Variants in TMEM38B observed in about 807,000 individuals in gnomAD.
The protein encoded by TMEM38B is transmembrane protein 38B.
A neutral mutation model predicts 28.7 loss-of-function variants in TMEM38B; 24 were observed. The ratio of observed to expected loss-of-function variants is 0.84; its 90% CI spans 0.61 to 1.18. The LOEUF is 1.18. Ranked by LOEUF, TMEM38B falls within the 50% of genes most tolerant of loss-of-function variation. The pLI is 0.00. For synonymous variants in TMEM38B, 131 were observed against 127.7 expected, an observed-to-expected ratio of 1.03 and a Z score of -0.17; for missense variants, 380 against 350.9, an observed-to-expected ratio of 1.08 and a Z score of -0.66.
chr9:105,772,526 A>AT (rs1826586817), intron 5 of TMEM38B, among the ~76,000 whole-genome samples: 1 of 152,028 alleles, frequency 6.6e-6, no homozygotes, highest in Non-Finnish European at 1.5e-5. Context: ...GGTTCTGCCT[A>AT]TTTCAGTTGT....
intron 5 of TMEM38B, among the ~76,000 whole-genome samples, chr9:105,773,241 G>T (rs747157075): frequency 6.6e-6 from 1 of 152,140 alleles, no homozygotes; most frequent in Non-Finnish European, 1.5e-5. Flanking sequence ...ACCCCTTGAG[G>T]TCTTGGTTCC....
chr9:105,723,486 G>A (rs1035815883), intron 4 of TMEM38B, among the ~76,000 whole-genome samples: 5 of 151,554 alleles, frequency 3.3e-5, no homozygotes, highest in African/African-American at 1.2e-4. Context: ...TGATCTCTTG[G>A]GCTCAAGTGA....
chr9:105,701,565 A>G (rs1835460595), intron 1 of TMEM38B: 1 of 152,240 alleles, frequency 6.6e-6, no homozygotes, highest in South Asian at 2.1e-4. Flanking sequence ...ACTAGCTGCA[A>G]TTACAGTCAC....
At chr9:105,722,306 C>G (rs1362281997) in intron 3 of TMEM38B, among the ~76,000 whole-genome samples, 2 of 152,154 alleles carry the variant, frequency 1.3e-5, no homozygotes, top group Non-Finnish European at 2.9e-5. Context: ...CTAACCATAT[C>G]TTTGTGCCCG....
intron 3 of TMEM38B, among the ~76,000 whole-genome samples, chr9:105,722,275 T>C (rs1836344663): frequency 6.6e-6 from 1 of 152,204 alleles, no homozygotes; most frequent in Non-Finnish European, 1.5e-5. Context: ...GGATTTTATT[T>C]TTCAGTTCTG....
chr9:105,773,806 T>C, intron 5 of TMEM38B, 59 bp from the exon 6 acceptor site: 2 of 1,513,910 alleles, frequency 1.3e-6, no homozygotes, highest in Non-Finnish European at 1.8e-6. Flanking sequence ...TTTGTTTCTC[T>C]CTCTTGAGAA....
rs775296474 is a variant in TMEM38B at position 105,722,627 on chromosome 9, T to C, written c.542+6T>C. The C allele has an allele frequency of 1.3e-5, 21 of 1,609,062 alleles. No individual in the cohort carries two copies. The highest frequency in any genetic ancestry group is 1.8e-5 in the Non-Finnish European group (21 of 1,175,808). ...GAATGGCTGAAGATGTCATAGTAAG[T>C]TGGTATAAATTATACTGAGACCTAG... On this transcript the variant is annotated splice_donor_region_variant and intron_variant, in intron 4 of 5. Transcript: ENST00000374692.
chr9:105,763,784 A>T (rs941246446), intron 5 of TMEM38B, among the ~76,000 whole-genome samples: 1 of 151,958 alleles, frequency 6.6e-6, no homozygotes, highest in African/African-American at 2.4e-5. Context: ...ACCAAAAAAG[A>T]GAATTTTAGA....
chr9:105,768,209 C>G (rs1826439477), intron 5 of TMEM38B, among the ~76,000 whole-genome samples: 1 of 152,030 alleles, frequency 6.6e-6, no homozygotes, highest in African/African-American at 2.4e-5. Flanking sequence ...CTCTTATATT[C>G]TGTTAATATA....
At chr9:105,726,268 A>G (rs570607911) in intron 4 of TMEM38B, among the ~76,000 whole-genome samples, 1 of 152,268 alleles carries the variant, frequency 6.6e-6, no homozygotes, top group East Asian at 1.9e-4. Flanking sequence ...TAAACTTTAA[A>G]TTTTTAAAAA....
In TMEM38B at chr9:105,735,584, C is replaced by T. The variant is rs79660030; in HGVS notation, c.543-12489C>T. On this transcript the variant is annotated intron_variant, in intron 4 of 5. Transcript: ENST00000374692. ...TAGTATTTTTGGCTGCAGTTGTTTT[C>T]TTTCAGCTGTCTAAATGTATCATCC... is the stretch of plus-strand genomic sequence containing the variant. Among the ~76,000 whole-genome samples, 3 of 152,110 alleles carry T rather than the reference C, an allele frequency of 2.0e-5. No individual in the cohort carries two copies. In the South Asian group the frequency reaches 6.2e-4, roughly 32 times the overall value.
chr9:105,710,330 C>T, intron 2 of TMEM38B: 1 of 694,656 alleles, frequency 1.4e-6, no homozygotes, highest in Admixed American at 2.1e-5. Context: ...CTGTGGTCTT[C>T]CAGCCAGTCT....
chr9:105,730,610 C>A (rs1836704292), intron 4 of TMEM38B, among the ~76,000 whole-genome samples: 4 of 152,152 alleles, frequency 2.6e-5, no homozygotes, highest in Admixed American at 2.6e-4. Context: ...CCCTCTTTTT[C>A]TGTTGATTAG....
At chr9:105,696,006 G>C (rs1470909438) in intron 1 of TMEM38B, among the ~76,000 whole-genome samples, 1 of 152,224 alleles carries the variant, frequency 6.6e-6, no homozygotes, top group African/African-American at 2.4e-5. Flanking sequence ...TTCACATTGT[G>C]GTCCAGGGAC....
chr9:105,766,308 G>A (rs1042513022), intron 5 of TMEM38B, among the ~76,000 whole-genome samples: 1 of 152,130 alleles, frequency 6.6e-6, no homozygotes, highest in Non-Finnish European at 1.5e-5. Flanking sequence ...TTAGCGTTTT[G>A]TAGGTATGAA....
intron 4 of TMEM38B, among the ~76,000 whole-genome samples, chr9:105,746,631 A>G (rs1364066490): frequency 2.0e-5 from 3 of 152,168 alleles, no homozygotes; most frequent in African/African-American, 7.2e-5. Context: ...AGGAGTGGTG[A>G]GAGAGGGCAT....
chr9:105,722,439 G>T, intron 3 of TMEM38B, 95 bp from the exon 4 acceptor site: 1 of 1,010,830 alleles, frequency 9.9e-7, no homozygotes, highest in South Asian at 1.3e-5. Context: ...AATCCTCTTG[G>T]AATGTATTAT....
chr9:105,721,458 T>C, intron 2 of TMEM38B, 79 bp from the exon 3 acceptor site: 1 of 1,056,398 alleles, frequency 9.5e-7, no homozygotes, highest in Non-Finnish European at 1.3e-6. Context: ...TGCCAAATTG[T>C]TGTTGCTGTT....
chr9:105,695,292 G>A (rs1835251656), intron 1 of TMEM38B, among the ~76,000 whole-genome samples: 1 of 151,586 alleles, frequency 6.6e-6, no homozygotes, highest in South Asian at 2.1e-4. Context: ...CTCCAGTTAT[G>A]AAAGTTGTAC....
Sources: allele counts gnomAD v4.1 joint callset (sites outside exome capture counted in the v4.1 genomes callset), GRCh38; gene constraint gnomAD v4.1.1; transcripts MANE v1.5; gene names NCBI Gene and HGNC (gene_info 2026-07-23, HGNC 2026-07-21).